Variants in EYS observed in about 807,000 individuals in gnomAD.
The protein encoded by EYS is protein eyes shut homolog.
Under a neutral mutation model 282.1 loss-of-function variants are expected in EYS, and 250 were observed. The observed-to-expected ratio is 0.89, with a 90% CI of 0.80 to 0.98. The LOEUF (loss-of-function observed/expected upper bound fraction) is 0.98. Ranked by LOEUF, EYS falls within the 50% of genes least tolerant of loss-of-function variation. The pLI, the probability that EYS is intolerant of heterozygous loss-of-function variation, is 0.00. For synonymous variants in EYS, 1,355 were observed against 1,282.9 expected (o/e 1.06, Z -1.20); for missense variants, 4,016 against 3,709.0 (o/e 1.08, Z -2.15).
At chr6:65,212,797 C>G (rs1766206769) in intron 12 of EYS, among the ~76,000 whole-genome samples, 1 of 151,948 alleles carries the variant, frequency 6.6e-6, no homozygotes, top group South Asian at 2.1e-4. Context: ...TTGTACTACT[C>G]AAATAAGTTA....
chr6:64,774,640 G>A lies in EYS; in HGVS notation c.3443+38738C>T, dbSNP rs542371657. On this transcript the variant is annotated intron_variant, in intron 22 of 42. Coordinates refer to ENST00000503581, the MANE Select transcript of EYS (RefSeq NM_001142800.2). Reference sequence around the variant, plus strand: ...CTCAGTCTGTTATGTATAAATTATAGTTCCTAAAACTGAATCTCCTGATAA... The same window carrying A: ...CTCAGTCTGTTATGTATAAATTATAATTCCTAAAACTGAATCTCCTGATAA... Among the ~76,000 whole-genome samples the A allele has an allele frequency of 3.3e-5, 5 of 151,954 alleles. No homozygotes were observed. The South Asian group carries it at 1.0e-3, about 32-fold the overall frequency.
At chr6:65,318,110 G>A (rs1253717220) in intron 11 of EYS, among the ~76,000 whole-genome samples, 2 of 150,426 alleles carry the variant, frequency 1.3e-5, no homozygotes, top group South Asian at 2.1e-4. Context: ...CTCATGATCC[G>A]CCCACCTCGG....
At chr6:65,042,503 A>T (rs924665710) in intron 13 of EYS, among the ~76,000 whole-genome samples, 2 of 150,984 alleles carry the variant, frequency 1.3e-5, no homozygotes, top group Admixed American at 6.6e-5. Context: ...ATCCCTTTTT[A>T]AATTTTTTTT....
At chr6:65,679,845 C>T (rs1768754562) in intron 1 of EYS, among the ~76,000 whole-genome samples, 1 of 151,834 alleles carries the variant, frequency 6.6e-6, no homozygotes, top group South Asian at 2.1e-4. Flanking sequence ...TCAAGTCGTA[C>T]AATAGCAATT....
chr6:64,585,104 G>A (rs1202569302), intron 26 of EYS, among the ~76,000 whole-genome samples: 1 of 152,064 alleles, frequency 6.6e-6, no homozygotes, highest in Non-Finnish European at 1.5e-5. Context: ...TGTATAAAAG[G>A]TGGTGCGTAT....
At chr6:65,216,501 TA>T (rs1766318004) in intron 12 of EYS, among the ~76,000 whole-genome samples, 1 of 151,882 alleles carries the variant, frequency 6.6e-6, no homozygotes, top group African/African-American at 2.4e-5. Flanking sequence ...TAAAAGTAAA[TA>T]ATATTTTTGT....
chr6:64,003,406 C>T (rs1207883673), intron 33 of EYS, among the ~76,000 whole-genome samples: 1 of 151,972 alleles, frequency 6.6e-6, no homozygotes, highest in East Asian at 1.9e-4. Context: ...TGACTATAGT[C>T]AATAACAACT....
chr6:64,008,378 A>C (rs1315837725), intron 33 of EYS, among the ~76,000 whole-genome samples: 1 of 151,944 alleles, frequency 6.6e-6, no homozygotes, highest in African/African-American at 2.4e-5. Flanking sequence ...CTTGCATATG[A>C]GGTGGTTCTC....
At chr6:64,483,804 C>T (rs1479582900) in intron 26 of EYS, among the ~76,000 whole-genome samples, 3 of 151,572 alleles carry the variant, frequency 2.0e-5, no homozygotes, top group Non-Finnish European at 4.4e-5. Context: ...TAAATCACTA[C>T]TTATCTATGA....
intron 28 of EYS, among the ~76,000 whole-genome samples, chr6:64,419,923 G>A (rs1384260580): frequency 6.6e-6 from 1 of 152,224 alleles, no homozygotes; most frequent in African/African-American, 2.4e-5. Context: ...CCACTAGACA[G>A]TGCCCAAGTG....
At chr6:65,180,724 AC>A (rs1342792161) in intron 12 of EYS, among the ~76,000 whole-genome samples, 1 of 152,128 alleles carries the variant, frequency 6.6e-6, no homozygotes, top group East Asian at 1.9e-4. Flanking sequence ...TTCATATGGA[AC>A]CAAAAAAGAG....
At chr6:65,135,074 G>GAC (rs574125921) in intron 12 of EYS, among the ~76,000 whole-genome samples, 89 of 152,012 alleles carry the variant, frequency 5.9e-4, no homozygotes, top group Non-Finnish European at 1.1e-3. Flanking sequence ...GGTGAGTGAT[G>GAC]ACACACTTCA....
intron 22 of EYS, among the ~76,000 whole-genome samples, chr6:64,792,887 C>T (rs1325793832): frequency 4.8e-5 from 3 of 63,082 alleles, no homozygotes; most frequent in African/African-American, 3.3e-5. Context: ...TTAGATGTAA[C>T]ATTAAGGGAA....
chr6:63,733,886 C>T (rs899126549), intron 41 of EYS, among the ~76,000 whole-genome samples: 2 of 152,126 alleles, frequency 1.3e-5, no homozygotes, highest in Non-Finnish European at 2.9e-5. Flanking sequence ...TGGCTTCTTG[C>T]TCCAAAGGAA....
chr6:64,712,288 G>T (rs576916449), intron 22 of EYS, among the ~76,000 whole-genome samples: 1 of 152,340 alleles, frequency 6.6e-6, no homozygotes, highest in South Asian at 2.1e-4. Context: ...AGCATATGAG[G>T]CACAAAAGGT....
At chr6:65,164,052 A>G (rs1026058846) in intron 12 of EYS, among the ~76,000 whole-genome samples, 19 of 151,338 alleles carry the variant, frequency 1.3e-4, no homozygotes, top group Non-Finnish European at 2.5e-4. Context: ...TAGCTTAATC[A>G]TACATGAGCA....
chr6:64,675,653 C>A lies in EYS; in HGVS notation c.3444-49408G>T, dbSNP rs546962673. 3.3e-5 allele frequency among the ~76,000 whole-genome samples: 5 copies of A among 151,942 alleles called. No homozygotes were observed. In the East Asian group the frequency reaches 7.8e-4, roughly 24 times the overall value. ...CCATGTTGGCTAGGCTGATCTCGAACTTTACCTCAGGTGATCCGCCCACCT... is the reference window on the plus strand; with the variant it reads ...CCATGTTGGCTAGGCTGATCTCGAAATTTACCTCAGGTGATCCGCCCACCT... On this transcript the variant is annotated intron_variant, in intron 22 of 42. Coordinates refer to ENST00000503581, the MANE Select transcript of EYS (RefSeq NM_001142800.2).
intron 12 of EYS, among the ~76,000 whole-genome samples, chr6:65,275,651 C>G (rs948385345): frequency 6.6e-6 from 1 of 152,104 alleles, no homozygotes; most frequent in Non-Finnish European, 1.5e-5. Flanking sequence ...GATTCATGGG[C>G]TGTTTCTGTA....
At chr6:63,968,237 A>G (rs1350180889) in intron 35 of EYS, among the ~76,000 whole-genome samples, 1 of 152,208 alleles carries the variant, frequency 6.6e-6, no homozygotes, top group Non-Finnish European at 1.5e-5. Flanking sequence ...GATATCAGAG[A>G]AATTATTAGT....
Sources: allele counts gnomAD v4.1 joint callset (sites outside exome capture counted in the v4.1 genomes callset), GRCh38; gene constraint gnomAD v4.1.1; transcripts MANE v1.5; gene names NCBI Gene and HGNC (gene_info 2026-07-23, HGNC 2026-07-21).